The following CSMD3 variants were observed in gnomAD, a reference collection of about 807,000 sequenced individuals.
The protein encoded by CSMD3 is CUB and sushi domain-containing protein 3.
Under a neutral mutation model 435.2 loss-of-function variants are expected in CSMD3, and 177 were observed. That is an observed-to-expected ratio of 0.41 (90% CI 0.36 to 0.46). CSMD3 has a LOEUF of 0.46. Among genes scored for constraint, CSMD3 ranks in the 20% least tolerant of loss-of-function variants. The probability of loss-of-function intolerance (pLI) is 0.34; values close to 1 mark genes in which losing one functional copy is unlikely to be tolerated. For synonymous variants in CSMD3, 1,656 were observed against 1,520.5 expected, an observed-to-expected ratio of 1.09 and a Z score of -2.07; for missense variants, 4,265 against 4,504.6, an observed-to-expected ratio of 0.95 and a Z score of 1.52.
intron 22 of CSMD3, among the ~76,000 whole-genome samples, chr8:112,607,933 T>C (rs1410050607): frequency 6.6e-6 from 1 of 152,074 alleles, no homozygotes; most frequent in Non-Finnish European, 1.5e-5. Flanking sequence ...CTATTCACCA[T>C]AGCACTGAAA....
intron 1 of CSMD3, among the ~76,000 whole-genome samples, chr8:113,334,900 G>C (rs1198948778): frequency 1.3e-5 from 2 of 152,036 alleles, no homozygotes; most frequent in East Asian, 3.9e-4. Flanking sequence ...TGTAGGAACT[G>C]TAGTGATATC....
intron 3 of CSMD3, among the ~76,000 whole-genome samples, chr8:113,178,803 T>C (rs922335454): frequency 6.6e-6 from 1 of 151,894 alleles, no homozygotes; most frequent in Admixed American, 6.6e-5. Context: ...ATGGAAATGG[T>C]AGGGTAGTGT....
chr8:112,526,964 C>T (rs1825035005), intron 27 of CSMD3, among the ~76,000 whole-genome samples: 1 of 151,704 alleles, frequency 6.6e-6, no homozygotes, highest in South Asian at 2.1e-4. Context: ...AGAGTTAGAG[C>T]AAATGCTTTC....
At chr8:112,538,765 A>G (rs181525317) in intron 27 of CSMD3, 1 of 152,106 alleles carries the variant, frequency 6.6e-6, no homozygotes. Context: ...TAAGGTCCTT[A>G]CTACCCAAAG....
chr8:113,097,321 T>A (rs765615902), intron 5 of CSMD3, among the ~76,000 whole-genome samples: 71 of 152,226 alleles, frequency 4.7e-4, no homozygotes, highest in South Asian at 1.7e-3. Context: ...AGGTGCCTGC[T>A]ACATAACAGC....
At chr8:113,050,974 A>G (rs2088062569) in intron 5 of CSMD3, among the ~76,000 whole-genome samples, 1 of 152,114 alleles carries the variant, frequency 6.6e-6, no homozygotes, top group Admixed American at 6.5e-5. Flanking sequence ...GTGACATAAC[A>G]TTTGGTGGGA....
intron 32 of CSMD3, among the ~76,000 whole-genome samples, chr8:112,422,958 A>G (rs1285465740): frequency 2.6e-5 from 4 of 152,174 alleles, no homozygotes; most frequent in Non-Finnish European, 4.4e-5. Flanking sequence ...CAGATGCTAT[A>G]CATATTCCTT....
chr8:112,525,162 C>G (rs556986860), intron 27 of CSMD3, among the ~76,000 whole-genome samples: 14 of 151,518 alleles, frequency 9.2e-5, no homozygotes, highest in Non-Finnish European at 1.5e-4. Flanking sequence ...TTAAGCAGTA[C>G]GTAAACATTT....
At chr8:112,556,293 T>C (rs1828111489) in intron 25 of CSMD3, among the ~76,000 whole-genome samples, 1 of 151,974 alleles carries the variant, frequency 6.6e-6, no homozygotes, top group Non-Finnish European at 1.5e-5. Flanking sequence ...ATATCTTATG[T>C]CACTCTCACA....
At chr8:112,508,618 C>T (rs1822774699) in intron 28 of CSMD3, among the ~76,000 whole-genome samples, 1 of 152,056 alleles carries the variant, frequency 6.6e-6, no homozygotes, top group Admixed American at 6.6e-5. Flanking sequence ...TGACTTCGTA[C>T]CTGGTTCTCT....
At chr8:112,762,179 T>G (rs2077854985) in intron 13 of CSMD3, among the ~76,000 whole-genome samples, 1 of 151,970 alleles carries the variant, frequency 6.6e-6, no homozygotes, top group African/African-American at 2.4e-5. Flanking sequence ...TAACTAAAAT[T>G]TATCTGCATC....
intron 38 of CSMD3, among the ~76,000 whole-genome samples, chr8:112,362,306 C>T (rs994965751): frequency 5.9e-5 from 9 of 151,964 alleles, no homozygotes; most frequent in Admixed American, 5.9e-4. Context: ...ACTATCATCA[C>T]TGATGGGCAG....
At chr8:113,402,182 A>G (rs1563786403) in intron 1 of CSMD3, among the ~76,000 whole-genome samples, 1 of 150,950 alleles carries the variant, frequency 6.6e-6, no homozygotes, top group East Asian at 1.9e-4. Flanking sequence ...TTTATCTTAA[A>G]TTTTTTATCT....
intron 27 of CSMD3, among the ~76,000 whole-genome samples, chr8:112,544,476 A>G (rs1826973609): frequency 6.6e-6 from 1 of 152,158 alleles, no homozygotes; most frequent in African/African-American, 2.4e-5. Flanking sequence ...ATTTAATTCA[A>G]TGTTTTACTA....
chr8:112,268,188 T>A (rs1020157886), intron 59 of CSMD3, among the ~76,000 whole-genome samples: 2 of 152,146 alleles, frequency 1.3e-5, no homozygotes, highest in African/African-American at 4.8e-5. Flanking sequence ...TGACTCATCA[T>A]AAGAGATTAA....
chr8:113,168,372 T>A (rs2092195861), intron 4 of CSMD3, among the ~76,000 whole-genome samples: 2 of 151,612 alleles, frequency 1.3e-5, no homozygotes, highest in Admixed American at 6.6e-5. Context: ...AAAACAAAAA[T>A]TAGCTCAGTG....
intron 5 of CSMD3, among the ~76,000 whole-genome samples, chr8:113,084,136 G>T (rs1006349690): frequency 6.6e-6 from 1 of 151,958 alleles, no homozygotes; most frequent in Non-Finnish European, 1.5e-5. Flanking sequence ...GAAATAAAAG[G>T]CATCCAAATT....
chr8:113,008,086 A>C (rs1178774747), intron 6 of CSMD3, among the ~76,000 whole-genome samples: 1 of 147,760 alleles, frequency 6.8e-6, no homozygotes, highest in Non-Finnish European at 1.5e-5. Context: ...TACTAAAAAG[A>C]AAAAAAAAAG....
At chr8:113,185,643 T>C (rs2092487750) in intron 3 of CSMD3, among the ~76,000 whole-genome samples, 1 of 152,076 alleles carries the variant, frequency 6.6e-6, no homozygotes, top group South Asian at 2.1e-4. Context: ...TTGCCCATTG[T>C]TGAAAATGAT....
Sources: gnomAD v4.1 joint callset for allele counts (sites outside exome capture counted in the v4.1 genomes callset) on GRCh38, gnomAD v4.1.1 for gene constraint, MANE v1.5 for transcripts, NCBI Gene and HGNC (gene_info 2026-07-23, HGNC 2026-07-21) for gene names.